STXBP5L: variants seen among roughly 807,000 people sequenced by gnomAD.
STXBP5L encodes syntaxin-binding protein 5-like.
STXBP5L carries 65 observed loss-of-function variants against 144.5 expected under a neutral mutation model. The ratio of observed to expected loss-of-function variants is 0.45; its 90% CI spans 0.37 to 0.55. The LOEUF (loss-of-function observed/expected upper bound fraction) is 0.55. Among genes scored for constraint, STXBP5L ranks in the 20% least tolerant of loss-of-function variants. The probability of loss-of-function intolerance (pLI) is 0.00; values close to 1 mark genes in which losing one functional copy is unlikely to be tolerated. For synonymous variants in STXBP5L, 505 were observed against 469.6 expected, an observed-to-expected ratio of 1.08 and a Z score of -0.97; for missense variants, 1,298 against 1,405.5, an observed-to-expected ratio of 0.92 and a Z score of 1.22.
intron 5 of STXBP5L, among the ~76,000 whole-genome samples, chr3:121,052,064 G>A (rs1304290174): frequency 6.6e-6 from 1 of 152,152 alleles, no homozygotes; most frequent in Non-Finnish European, 1.5e-5. Flanking sequence ...ACCAATAAGA[G>A]GTTCTGAAAT....
intron 20 of STXBP5L, among the ~76,000 whole-genome samples, chr3:121,339,993 C>G (rs1046985183): frequency 1.3e-5 from 2 of 151,980 alleles, no homozygotes; most frequent in African/African-American, 2.4e-5. Context: ...AAGGAAGCTT[C>G]ATATTCACTG....
intron 2 of STXBP5L, among the ~76,000 whole-genome samples, chr3:120,954,281 G>A (rs2107701223): frequency 6.6e-6 from 1 of 152,156 alleles, no homozygotes; most frequent in South Asian, 2.1e-4. Context: ...CATTTTATGA[G>A]TTTTAACTAA....
At chr3:121,242,301 CAG>C (rs2049696227) in intron 14 of STXBP5L, among the ~76,000 whole-genome samples, 1 of 151,926 alleles carries the variant, frequency 6.6e-6, no homozygotes, top group Admixed American at 6.6e-5. Flanking sequence ...ATTATAGTAA[CAG>C]AGTCTGATGT....
At position 121,124,469 on chromosome 3, in the gene STXBP5L, C is replaced by T. The variant is rs114054136; in HGVS notation, c.669+2765C>T. Among the ~76,000 whole-genome samples the T allele has an allele frequency of 2.8e-3, 421 of 151,994 alleles. 5 individuals carry two copies. Among genetic ancestry groups the T allele is most frequent in the African/African-American group, 9.7e-3 (404 of 41,514 alleles). ...GGCTTTCATTTGTTTTGCTATATAA[C>T]TATAAATTTTTTTATAAAAGTCTTT... is the stretch of plus-strand genomic sequence containing the variant. On this transcript the variant is annotated intron_variant, in intron 7 of 26. Coordinates refer to ENST00000471454, the MANE Select transcript of STXBP5L (RefSeq NM_001308330.2).
Position 121,407,253 on chromosome 3 carries a change from C to T in STXBP5L, c.2598C>T (p.Leu866=), listed in dbSNP as rs1270821741. 17 of 1,560,684 alleles carry T rather than the reference C, an allele frequency of 1.1e-5. No homozygotes were observed. Among genetic ancestry groups the T allele is most frequent in the Non-Finnish European group, 1.4e-5 (16 of 1,156,234 alleles). Residue 866 remains leucine (L), a synonymous_variant, in exon 23 of 27, where the codon CTC becomes CTT. Coordinates refer to ENST00000471454, the MANE Select transcript of STXBP5L (RefSeq NM_001308330.2). The stretch of plus-strand genomic sequence containing the variant: ...CAATTGTTTTTATAGGTACATTCCT[C>T]TCATTGAAAGGAGCTGTGCTAACAT... ...PVMVLPSGTF[L]SLKGAVLTFS...
chr3:121,299,601 T>C (rs888291437), intron 19 of STXBP5L, among the ~76,000 whole-genome samples: 4 of 152,004 alleles, frequency 2.6e-5, no homozygotes, highest in African/African-American at 9.7e-5. Flanking sequence ...TTAAGCTAAA[T>C]GAACATCAGT....
intron 2 of STXBP5L, among the ~76,000 whole-genome samples, chr3:120,915,760 G>A (rs1431981867): frequency 6.6e-6 from 1 of 151,800 alleles, no homozygotes; most frequent in African/African-American, 2.4e-5. Context: ...TAAGGACTAG[G>A]AAAAAAATCA....
intron 2 of STXBP5L, 28 bp from the exon 3 acceptor site, chr3:120,954,912 C>T: frequency 6.4e-7 from 1 of 1,574,290 alleles, no homozygotes; most frequent in African/African-American, 1.4e-5. Flanking sequence ...TCCCTAGAGA[C>T]TTATTGGTAT....
intron 3 of STXBP5L, among the ~76,000 whole-genome samples, chr3:121,014,894 A>G (rs887526957): frequency 6.6e-6 from 1 of 152,098 alleles, no homozygotes; most frequent in Non-Finnish European, 1.5e-5. Flanking sequence ...AAATTGAAAA[A>G]CTAAATAAAA....
intron 3 of STXBP5L, among the ~76,000 whole-genome samples, chr3:121,015,363 A>G (rs1945069902): frequency 6.6e-6 from 1 of 152,178 alleles, no homozygotes; most frequent in African/African-American, 2.4e-5. Context: ...TCTTAAAATT[A>G]ACAACTTTTC....
intron 9 of STXBP5L, among the ~76,000 whole-genome samples, chr3:121,184,171 C>A (rs2047274767): frequency 6.6e-6 from 1 of 151,980 alleles, no homozygotes. Context: ...CAAAGGTTCA[C>A]AACTCCCTAC....
At chr3:120,991,323 AG>A (rs1309061982) in intron 3 of STXBP5L, among the ~76,000 whole-genome samples, 325 of 151,788 alleles carry the variant, frequency 2.1e-3, no homozygotes, top group Middle Eastern at 6.8e-3. Flanking sequence ...TTAAAAAGTC[AG>A]GAAACAACAG....
At chr3:121,057,834 A>T (rs937215556) in intron 5 of STXBP5L, among the ~76,000 whole-genome samples, 2 of 151,952 alleles carry the variant, frequency 1.3e-5, no homozygotes, top group Non-Finnish European at 2.9e-5. Flanking sequence ...TTCTTTTTAT[A>T]TCTCTTTTTT....
chr3:121,359,983 T>TATATAATATATATATTATTACTATATA (rs71133529), intron 20 of STXBP5L, among the ~76,000 whole-genome samples: 44,343 of 110,552 alleles, frequency 0.4, 11,481 homozygotes, highest in East Asian at 0.67. Flanking sequence ...TAATATAATA[T>TATATAATATATATATTATTACTATATA]ATATAATATA....
At chr3:121,303,000 G>A (rs922478037) in intron 19 of STXBP5L, among the ~76,000 whole-genome samples, 2 of 152,144 alleles carry the variant, frequency 1.3e-5, no homozygotes, top group African/African-American at 4.8e-5. Flanking sequence ...AACACCAAAA[G>A]CAATGGCAAC....
intron 19 of STXBP5L, among the ~76,000 whole-genome samples, chr3:121,297,232 G>GTGTA (rs1307531883): frequency 7.1e-6 from 1 of 140,436 alleles, no homozygotes; most frequent in Admixed American, 7.1e-5. Flanking sequence ...GTGTGTGTGT[G>GTGTA]TGTGTGTGAT....
At chr3:121,016,929 C>T (rs753645481) in intron 3 of STXBP5L, among the ~76,000 whole-genome samples, 14 of 152,184 alleles carry the variant, frequency 9.2e-5, no homozygotes, top group Non-Finnish European at 2.1e-4. Flanking sequence ...ATTTCCAGTT[C>T]ATCCCTGGAG....
At chr3:121,064,084 A>G (rs531512720) in intron 5 of STXBP5L, among the ~76,000 whole-genome samples, 1 of 152,260 alleles carries the variant, frequency 6.6e-6, no homozygotes, top group East Asian at 1.9e-4. Context: ...AATGGCTGCC[A>G]TATTTTGCAC....
intron 3 of STXBP5L, among the ~76,000 whole-genome samples, chr3:120,996,648 T>C (rs1943372023): frequency 6.6e-6 from 1 of 152,172 alleles, no homozygotes; most frequent in Non-Finnish European, 1.5e-5. Flanking sequence ...AGCCACCATT[T>C]TACCCTGCTC....
Sources: allele counts gnomAD v4.1 joint callset (sites outside exome capture counted in the v4.1 genomes callset), GRCh38; gene constraint gnomAD v4.1.1; transcripts MANE v1.5; gene names NCBI Gene and HGNC (gene_info 2026-07-23, HGNC 2026-07-21).